The following SEPTIN14 variants were observed in gnomAD, a reference collection of about 807,000 sequenced individuals.
The protein encoded by SEPTIN14 is septin 14.
Under a neutral mutation model 53.6 loss-of-function variants are expected in SEPTIN14, and 40 were observed. The ratio of observed to expected loss-of-function variants is 0.75; its 90% CI spans 0.58 to 0.97. The LOEUF (loss-of-function observed/expected upper bound fraction) is 0.97, where lower values mean the gene tolerates loss of function less well. Ranked by LOEUF, SEPTIN14 falls within the 50% of genes least tolerant of loss-of-function variation. The probability of loss-of-function intolerance (pLI) is 0.00; values close to 1 mark genes in which losing one functional copy is unlikely to be tolerated. For synonymous variants in SEPTIN14, 138 were observed against 166.8 expected, an observed-to-expected ratio of 0.83 and a Z score of 1.33; for missense variants, 471 against 508.2, an observed-to-expected ratio of 0.93 and a Z score of 0.70.
chr7:55,824,024 G>A (rs965481749), intron 6 of SEPTIN14, among the ~76,000 whole-genome samples: 4 of 151,890 alleles, frequency 2.6e-5, no homozygotes, highest in African/African-American at 9.7e-5. Context: ...AGGCCAGATA[G>A]TCATCACTCC....
intron 9 of SEPTIN14, among the ~76,000 whole-genome samples, chr7:55,799,917 G>C (rs933522833): frequency 5.9e-5 from 9 of 152,192 alleles, no homozygotes; most frequent in African/African-American, 2.2e-4. Flanking sequence ...TTATTTCACT[G>C]AACAGTAGAA....
chr7:55,834,510 ATTATC>A lies in SEPTIN14; in HGVS notation c.630_634del (p.Lys210AsnfsTer3), dbSNP rs1425219116. ...GATGCCATTGCTAATCAATTCACTC[ATTATC>A]TTATTCTTAAACGTCTGTAAATCAT... On this transcript the variant is annotated frameshift_variant, in exon 6 of 10. Coordinates refer to ENST00000388975, the MANE Select transcript of SEPTIN14 (RefSeq NM_207366.3). LOFTEE classifies it high-confidence loss of function. The A allele has an allele frequency of 6.2e-7, 1 of 1,612,080 alleles. No individual in the cohort carries two copies. The highest frequency in any genetic ancestry group is 8.5e-7 in the Non-Finnish European group (1 of 1,178,364).
intron 7 of SEPTIN14, among the ~76,000 whole-genome samples, chr7:55,812,750 C>T (rs1788723049): frequency 2.6e-5 from 4 of 152,136 alleles, no homozygotes; most frequent in South Asian, 2.1e-4. Context: ...GAGGCACTGA[C>T]GATTATAGTA....
At chr7:55,812,799 C>A (rs192750650) in intron 7 of SEPTIN14, among the ~76,000 whole-genome samples, 453 of 152,166 alleles carry the variant, frequency 3.0e-3, no homozygotes, top group Middle Eastern at 6.8e-3. Flanking sequence ...TGACATTCAT[C>A]CCCCAGCAGC....
rs939851229 is a variant in SEPTIN14, at chr7:55,795,672, T to G, written c.*241A>C. ...TAGTAGAGGCAGGGTTTCATCATTTTGGTCAGGCTGGTTTTGAACTCCTGA... is the reference window on the plus strand; with the variant it reads ...TAGTAGAGGCAGGGTTTCATCATTTGGGTCAGGCTGGTTTTGAACTCCTGA... On this transcript the variant is annotated 3_prime_UTR_variant, in exon 10 of 10. Coordinates refer to ENST00000388975, the MANE Select transcript of SEPTIN14 (RefSeq NM_207366.3). 1 of 461,442 alleles carries G rather than the reference T, an allele frequency of 2.2e-6. No individual in the cohort carries two copies. The highest frequency in any genetic ancestry group is 2.0e-5 in the African/African-American group (1 of 49,766). 28.6% of individuals were successfully genotyped at this position (461,442 alleles called of 1,614,324 possible).
Position 55,833,171 on chromosome 7 carries a change from C to T in SEPTIN14, c.720+1254G>A, listed in dbSNP as rs369560172. On this transcript the variant is annotated intron_variant, in intron 6 of 9. Coordinates refer to ENST00000388975, the MANE Select transcript of SEPTIN14 (RefSeq NM_207366.3). ...CTACTAAAAATACAAACAAATTAGC[C>T]GGATGTGGTGGCGCACGCCTGTAGT... Among the ~76,000 whole-genome samples the T allele has an allele frequency of 1.1e-3, 174 of 151,962 alleles. 5 individuals carry two copies. In the South Asian group the frequency reaches 0.035, roughly 30 times the overall value.
chr7:55,802,393 T>C (rs1174854385), intron 9 of SEPTIN14, among the ~76,000 whole-genome samples: 4 of 152,148 alleles, frequency 2.6e-5, no homozygotes, highest in African/African-American at 9.7e-5. Flanking sequence ...AAAAAAATTA[T>C]AGGCCAACAT....
At chr7:55,836,177 T>A (rs1789202019) in intron 5 of SEPTIN14, among the ~76,000 whole-genome samples, 1 of 152,208 alleles carries the variant, frequency 6.6e-6, no homozygotes, top group Admixed American at 6.5e-5. Flanking sequence ...AAGTTAAATA[T>A]TTGCATATTT....
chr7:55,841,851 G>A (rs1263777698), intron 5 of SEPTIN14, among the ~76,000 whole-genome samples: 1 of 90,562 alleles, frequency 1.1e-5, no homozygotes, highest in Non-Finnish European at 2.3e-5. Context: ...ATGAAACTCC[G>A]CCAAAAAAAA....
intron 6 of SEPTIN14, among the ~76,000 whole-genome samples, chr7:55,823,746 G>A (rs1291037261): frequency 6.6e-6 from 1 of 152,218 alleles, no homozygotes. Flanking sequence ...TACAGCCTAA[G>A]AACTAGCCTA....
chr7:55,843,057 C>T lies in SEPTIN14; in HGVS notation c.443G>A (p.Arg148His), dbSNP rs370850884. 4.2e-5 allele frequency: 67 copies of T among 1,607,988 alleles called. No homozygotes were observed. In the African/African-American group the frequency reaches 5.3e-4, roughly 13 times the overall value. Residue 148 changes from arginine (R) to histidine (H), a missense_variant, in exon 5 of 10, where the codon CGT (arginine) becomes CAT (histidine). Transcript: ENST00000388975. ...AGAATCATGGTACTCAAACAAGGAA[C>T]GTTTAATCTTCAGTTCTTCTTGAAG... ...AYLQEELKIK[R>H]SLFEYHDSRV...
At chr7:55,857,231 G>A (rs191690447) in intron 2 of SEPTIN14, among the ~76,000 whole-genome samples, 54 of 146,878 alleles carry the variant, frequency 3.7e-4, no homozygotes, top group Non-Finnish European at 6.6e-4. Flanking sequence ...AATTAGCCAG[G>A]TGTGGTGGCG....
chr7:55,830,349 A>ATATATATTTTTTTTTTTTTTTTTTTT (rs71015108), intron 6 of SEPTIN14, among the ~76,000 whole-genome samples: 2 of 56,846 alleles, frequency 3.5e-5, no homozygotes, highest in African/African-American at 1.0e-4. Flanking sequence ...ATATATATAT[A>ATATATATTTTTTTTTTTTTTTTTTTT]TTTTTTTTTT....
intron 8 of SEPTIN14, among the ~76,000 whole-genome samples, chr7:55,805,658 C>A (rs560249609): frequency 6.6e-6 from 1 of 152,238 alleles, no homozygotes; most frequent in African/African-American, 2.4e-5. Flanking sequence ...ATGGAAATTT[C>A]CATATCATAA....
At chr7:55,858,362 C>G (rs1334800689) in intron 2 of SEPTIN14, among the ~76,000 whole-genome samples, 2 of 152,214 alleles carry the variant, frequency 1.3e-5, no homozygotes, top group Non-Finnish European at 2.9e-5. Flanking sequence ...GATACATATT[C>G]TTTGCAAGAG....
chr7:55,804,856 A>G (rs1397533318), intron 9 of SEPTIN14, among the ~76,000 whole-genome samples: 2 of 152,216 alleles, frequency 1.3e-5, no homozygotes, highest in Non-Finnish European at 2.9e-5. Flanking sequence ...AAATTTTCTC[A>G]TTAATCAAGG....
chr7:55,805,501 G>A, intron 8 of SEPTIN14, 111 bp from the exon 9 acceptor site: 1 of 689,412 alleles, frequency 1.5e-6, no homozygotes, highest in Non-Finnish European at 2.4e-6. Flanking sequence ...ACGTCAGCCT[G>A]GGAGACAGAG....
chr7:55,805,075 A>G (rs1788590370), intron 9 of SEPTIN14, among the ~76,000 whole-genome samples, 183 bp downstream of exon 9: 1 of 152,278 alleles, frequency 6.6e-6, no homozygotes, highest in Admixed American at 6.5e-5. Flanking sequence ...TAAGTTCTCT[A>G]GAAAAAACAC....
Position 55,795,924 on chromosome 7 carries a change from G to A in SEPTIN14, c.1288C>T (p.Arg430Cys), listed in dbSNP as rs780952356. The change falls in exon 10 of 10, where the codon CGT (arginine) becomes TGT (cysteine). Residue 430 changes from arginine (R) to cysteine (C), a missense_variant. Physicochemically the swap from Arg to Cys is radical, Grantham distance 180. Coordinates refer to ENST00000388975, the MANE Select transcript of SEPTIN14 (RefSeq NM_207366.3). ...LSTDTKKDKH[R>C]KK ...AGTAAGAGAAACTATTATTTCTTACGATGTTTGTCTTTCTTTGTATCGGTG... is the reference window on the plus strand; with the variant it reads ...AGTAAGAGAAACTATTATTTCTTACAATGTTTGTCTTTCTTTGTATCGGTG... 12 of 1,591,718 alleles carry A rather than the reference G, an allele frequency of 7.5e-6. No individual in the cohort carries two copies. The highest frequency in any genetic ancestry group is 4.4e-5 in the South Asian group (4 of 90,820).
Sources: allele counts gnomAD v4.1 joint callset (sites outside exome capture counted in the v4.1 genomes callset), GRCh38; gene constraint gnomAD v4.1.1; transcripts MANE v1.5; gene names NCBI Gene and HGNC (gene_info 2026-07-23, HGNC 2026-07-21).